Variants in BMAL1 observed in about 807,000 individuals in gnomAD.
BMAL1 encodes basic helix-loop-helix ARNT like 1.
chr11:13,330,836 T>C, the BMAL1 span, among the ~76,000 whole-genome samples: 1 of 152,246 alleles, frequency 6.6e-6, no homozygotes, highest in Admixed American at 6.5e-5. Context: ...GGCGCAGTAT[T>C]GTGATATCTC....
At chr11:13,386,699 A>G in the BMAL1 span, 5 of 1,614,072 alleles carry the variant, frequency 3.1e-6, no homozygotes, top group Non-Finnish European at 4.2e-6. Context: ...GCCTCTTGGA[A>G]GCAGATGCTG....
the BMAL1 span, chr11:13,356,235 G>A: frequency 2.2e-6 from 1 of 456,358 alleles, no homozygotes. Context: ...GCTGCCTGGG[G>A]CTCTGCTCAG....
chr11:13,367,604 G>A, the BMAL1 span, among the ~76,000 whole-genome samples: 1 of 151,860 alleles, frequency 6.6e-6, no homozygotes, highest in African/African-American at 2.4e-5. Context: ...GGGAGGCTGA[G>A]GCAGGAGAGT....
chr11:13,351,121 G>A, the BMAL1 span, among the ~76,000 whole-genome samples: 1 of 152,184 alleles, frequency 6.6e-6, no homozygotes, highest in Non-Finnish European at 1.5e-5. Flanking sequence ...TTACGTAGGT[G>A]GCTGGGCTAG....
chr11:13,284,074 T>TGG, the BMAL1 span, among the ~76,000 whole-genome samples: 46 of 77,812 alleles, frequency 5.9e-4, 1 homozygote, highest in South Asian at 4.5e-3. Context: ...TCCACAGTGT[T>TGG]GGGGTGTGTG....
the BMAL1 span, among the ~76,000 whole-genome samples, chr11:13,322,802 TTTTTTG>T: frequency 7.1e-6 from 1 of 140,892 alleles, no homozygotes; most frequent in African/African-American, 2.7e-5. Context: ...TTTTTTTTTT[TTTTTTG>T]AGAGAGGGTC....
At chr11:13,301,052 C>G in the BMAL1 span, among the ~76,000 whole-genome samples, 12 of 152,274 alleles carry the variant, frequency 7.9e-5, no homozygotes, top group East Asian at 1.7e-3. Context: ...ATTCTCCTAC[C>G]TCTGCCTCCC....
the BMAL1 span, among the ~76,000 whole-genome samples, chr11:13,361,393 G>A: frequency 5.3e-5 from 8 of 151,786 alleles, no homozygotes. Context: ...ATAGAAAAAC[G>A]TAACTAAAAG....
the BMAL1 span, among the ~76,000 whole-genome samples, chr11:13,298,446 C>T: frequency 6.6e-6 from 1 of 152,156 alleles, no homozygotes; most frequent in East Asian, 1.9e-4. Flanking sequence ...CCCTTTTTCC[C>T]TTGCTCTTTA....
the BMAL1 span, among the ~76,000 whole-genome samples, chr11:13,303,767 C>A: frequency 2.0e-5 from 3 of 152,114 alleles, no homozygotes; most frequent in Non-Finnish European, 4.4e-5. Context: ...GGAAGCATAC[C>A]TCCCTCCCAC....
At chr11:13,326,920 C>T in the BMAL1 span, among the ~76,000 whole-genome samples, 20 of 151,868 alleles carry the variant, frequency 1.3e-4, no homozygotes, top group Non-Finnish European at 2.1e-4. Context: ...CCCGGGTTCA[C>T]GCCAGTCTCC....
the BMAL1 span, chr11:13,357,231 T>TA: frequency 7.6e-7 from 1 of 1,319,602 alleles, no homozygotes; most frequent in Admixed American, 2.2e-5. The surrounding 1 kb of genome is among the most constrained non-coding windows in gnomAD (Gnocchi z 4.8). Flanking sequence ...AATAGGCAGG[T>TA]AGTGGGCCTT....
At chr11:13,362,734 T>A in the BMAL1 span, among the ~76,000 whole-genome samples, 1 of 152,208 alleles carries the variant, frequency 6.6e-6, no homozygotes, top group African/African-American at 2.4e-5. Context: ...GGTTAAAATA[T>A]GACCGATGCC....
the BMAL1 span, among the ~76,000 whole-genome samples, chr11:13,362,852 G>A: frequency 1.3e-5 from 2 of 151,986 alleles, no homozygotes; most frequent in African/African-American, 2.4e-5. Context: ...TCTTGAAAAC[G>A]TAATTTTTGA....
chr11:13,310,658 G>T, the BMAL1 span, among the ~76,000 whole-genome samples: 2 of 152,230 alleles, frequency 1.3e-5, no homozygotes, highest in African/African-American at 4.8e-5. Flanking sequence ...AAATGAATGG[G>T]TGTGGCAGTG....
At chr11:13,375,545 T>C in the BMAL1 span, 6 of 1,330,382 alleles carry the variant, frequency 4.5e-6, no homozygotes, top group Middle Eastern at 2.7e-4. Flanking sequence ...ATATTTTGTA[T>C]TGGATGTCCT....
At chr11:13,287,602 A>G in the BMAL1 span, among the ~76,000 whole-genome samples, 1 of 152,222 alleles carries the variant, frequency 6.6e-6, no homozygotes, top group Non-Finnish European at 1.5e-5. Flanking sequence ...CTCTAGCAGT[A>G]TAGGCTTATG....
chr11:13,283,139 A>G, the BMAL1 span, among the ~76,000 whole-genome samples: 1 of 152,170 alleles, frequency 6.6e-6, no homozygotes, highest in Non-Finnish European at 1.5e-5. Flanking sequence ...CCTTTTAAAT[A>G]GTGTAAACTA....
chr11:13,341,133 C>T, the BMAL1 span, among the ~76,000 whole-genome samples: 4 of 152,132 alleles, frequency 2.6e-5, no homozygotes, highest in Non-Finnish European at 5.9e-5. Context: ...GGGGAGAACC[C>T]TCAGCCTCTT....
Sources: gnomAD v4.1 joint callset for allele counts (sites outside exome capture counted in the v4.1 genomes callset) on GRCh38, gnomAD v4.1.1 for gene constraint, Gnocchi (gnomAD v3.1) non-coding constraint, MANE v1.5 for transcripts, NCBI Gene and HGNC (gene_info 2026-07-23, HGNC 2026-07-21) for gene names.